FMN2: variants seen among roughly 807,000 people sequenced by gnomAD.
The protein encoded by FMN2 is formin 2.
In FMN2, 51 loss-of-function variants were observed where a neutral mutation model predicts 142.3. The observed-to-expected ratio is 0.36, with a 90% CI of 0.29 to 0.45. The LOEUF (loss-of-function observed/expected upper bound fraction) is 0.45, where lower values mean the gene tolerates loss of function less well. Ranked by LOEUF, FMN2 falls within the 20% of genes least tolerant of loss-of-function variation. The pLI, the probability that FMN2 is intolerant of heterozygous loss-of-function variation, is 1.00. For missense variants in FMN2, 1,936 were observed against 2,122.8 expected (o/e 0.91, Z 1.73); for synonymous variants, 882 against 869.8 (o/e 1.01, Z -0.25).
At chr1:240,171,842 C>T (rs182889601) in intron 2 of FMN2, among the ~76,000 whole-genome samples, 31 of 152,238 alleles carry the variant, frequency 2.0e-4, no homozygotes, top group Non-Finnish European at 3.8e-4. Flanking sequence ...GCCTACTTTA[C>T]GCCACTTTTA....
intron 13 of FMN2, among the ~76,000 whole-genome samples, chr1:240,346,641 A>T (rs917441468): frequency 6.6e-6 from 1 of 152,200 alleles, no homozygotes; most frequent in African/African-American, 2.4e-5. Flanking sequence ...ATATTCATTT[A>T]GTCTTTACAT....
chr1:240,148,339 TAAAG>T (rs1173053075), intron 2 of FMN2, among the ~76,000 whole-genome samples: 24 of 112,034 alleles, frequency 2.1e-4, no homozygotes, highest in Non-Finnish European at 3.6e-4. Context: ...GACAGACAGA[TAAAG>T]AGAGAAAGAC....
At chr1:240,346,082 C>T (rs1482707535) in intron 13 of FMN2, among the ~76,000 whole-genome samples, 1 of 151,964 alleles carries the variant, frequency 6.6e-6, no homozygotes, top group African/African-American at 2.4e-5. Context: ...AAAATATGAA[C>T]AGTATGATTT....
chr1:240,403,984 A>G (rs1674070969), intron 15 of FMN2, among the ~76,000 whole-genome samples: 1 of 152,258 alleles, frequency 6.6e-6, no homozygotes, highest in South Asian at 2.1e-4. Context: ...ATTTTAAAAA[A>G]TAAATACTAT....
chr1:240,215,979 G>A (rs548606132), intron 6 of FMN2, among the ~76,000 whole-genome samples: 1 of 152,296 alleles, frequency 6.6e-6, no homozygotes, highest in South Asian at 2.1e-4. Flanking sequence ...AAAGTGCTGG[G>A]ATTACAGGCA....
chr1:240,356,954 A>C (rs72767912), intron 14 of FMN2, among the ~76,000 whole-genome samples: 21,689 of 152,208 alleles, frequency 0.14, 1,674 homozygotes, highest in African/African-American at 0.18. Context: ...GTCATTTTCA[A>C]ATTCTGAGGT....
rs940066569 is a variant in FMN2, at chr1:240,177,391, A to G, written c.1783-530A>G. Among the ~76,000 whole-genome samples, 6 of 142,560 alleles carry G rather than the reference A, an allele frequency of 4.2e-5. No homozygotes were observed. The Admixed American group carries it at 4.3e-4, about 10-fold the overall frequency. 93.5% of individuals were successfully genotyped at this position (142,560 alleles called of 152,430 possible). ...TTTTTTTTTTTTTCTTAGCAGGTTC[A>G]TTCACTGTTTCATGGTTTCTCTCCC... is the stretch of plus-strand genomic sequence containing the variant. On this transcript the variant is annotated intron_variant, in intron 2 of 17. Coordinates refer to ENST00000319653, the MANE Select transcript of FMN2 (RefSeq NM_020066.5).
chr1:240,344,454 A>G (rs1425974623), intron 13 of FMN2, among the ~76,000 whole-genome samples: 5 of 152,198 alleles, frequency 3.3e-5, no homozygotes, highest in Non-Finnish European at 5.9e-5. Context: ...AAAGTTGATA[A>G]GCCTCAAGTA....
chr1:240,236,142 A>G (rs1241594535), intron 6 of FMN2, among the ~76,000 whole-genome samples: 1 of 152,076 alleles, frequency 6.6e-6, no homozygotes, highest in African/African-American at 2.4e-5. Context: ...GAAGCCTAGG[A>G]TTCTGCTGAT....
At chr1:240,134,494 G>T (rs999057228) in intron 2 of FMN2, among the ~76,000 whole-genome samples, 1 of 151,878 alleles carries the variant, frequency 6.6e-6, no homozygotes. Context: ...GTGTGGTGGT[G>T]CACACCTGTA....
intron 14 of FMN2, among the ~76,000 whole-genome samples, chr1:240,384,902 A>G (rs1300956380): frequency 6.6e-6 from 1 of 152,194 alleles, no homozygotes; most frequent in Non-Finnish European, 1.5e-5. Flanking sequence ...ATTCCATATT[A>G]ACATTCCCAT....
intron 14 of FMN2, among the ~76,000 whole-genome samples, chr1:240,368,993 C>T (rs1308722352): frequency 2.0e-5 from 3 of 147,292 alleles, no homozygotes; most frequent in Non-Finnish European, 2.9e-5. Context: ...TAAAATTATT[C>T]GTCAAGCAAA....
intron 14 of FMN2, among the ~76,000 whole-genome samples, chr1:240,391,678 TGATA>T (rs1673608831): frequency 6.6e-6 from 1 of 152,278 alleles, no homozygotes; most frequent in Admixed American, 6.5e-5. Context: ...TTTTAAAATC[TGATA>T]GATAGGCTAA....
intron 15 of FMN2, among the ~76,000 whole-genome samples, chr1:240,401,853 G>GC (rs1159349079): frequency 6.6e-6 from 1 of 152,144 alleles, no homozygotes; most frequent in African/African-American, 2.4e-5. Context: ...GCCTAGCTCT[G>GC]CCACTCCAGA....
chr1:240,249,194 T>G (rs996646823), intron 6 of FMN2, among the ~76,000 whole-genome samples: 1 of 152,132 alleles, frequency 6.6e-6, no homozygotes, highest in Non-Finnish European at 1.5e-5. Flanking sequence ...CCTGAAGTAT[T>G]TTCCCTCTGT....
At chr1:240,260,739 C>A (rs561720193) in intron 7 of FMN2, among the ~76,000 whole-genome samples, 1 of 152,290 alleles carries the variant, frequency 6.6e-6, no homozygotes, top group East Asian at 1.9e-4. Flanking sequence ...TTTTGACACG[C>A]GGAAGCTCTT....
chr1:240,258,064 A>G (rs1046991318), intron 7 of FMN2, 32 bp downstream of exon 7: 17 of 1,545,948 alleles, frequency 1.1e-5, no homozygotes, highest in African/African-American at 1.4e-5. Context: ...TAGCTTCTGA[A>G]TATTAAAATT....
intron 15 of FMN2, among the ~76,000 whole-genome samples, chr1:240,431,885 TTTTG>T (rs1457625997): frequency 6.6e-6 from 1 of 151,696 alleles, no homozygotes; most frequent in Non-Finnish European, 1.5e-5. Context: ...AGGTTTTTTT[TTTTG>T]CTTATGCTCA....
chr1:240,393,470 C>T (rs960537677), intron 15 of FMN2, among the ~76,000 whole-genome samples: 2 of 152,094 alleles, frequency 1.3e-5, no homozygotes, highest in South Asian at 4.1e-4. Context: ...TGTTCCCTTG[C>T]GTCTCCCCTC....
Sources: gnomAD v4.1 joint callset for allele counts (sites outside exome capture counted in the v4.1 genomes callset) on GRCh38, gnomAD v4.1.1 for gene constraint, MANE v1.5 for transcripts, NCBI Gene and HGNC (gene_info 2026-07-23, HGNC 2026-07-21) for gene names.